Variants in CUX2 observed in about 807,000 individuals in gnomAD.
CUX2 encodes the protein homeobox protein cut-like 2.
In CUX2, 40 loss-of-function variants were observed where a neutral mutation model predicts 144.8. That is an observed-to-expected ratio of 0.28 (90% confidence interval 0.21 to 0.36). CUX2 has a LOEUF of 0.36. Ranked by LOEUF, CUX2 falls within the 10% of genes least tolerant of loss-of-function variation. The pLI, the probability that CUX2 is intolerant of heterozygous loss-of-function variation, is 1.00. For synonymous variants in CUX2, 827 were observed against 875.6 expected, an observed-to-expected ratio of 0.94 and a Z score of 0.98; for missense variants, 1,615 against 1,994.0, an observed-to-expected ratio of 0.81 and a Z score of 3.62.
chr12:111,273,844 A>G (rs1223576487), intron 4 of CUX2, among the ~76,000 whole-genome samples: 1 of 152,222 alleles, frequency 6.6e-6, no homozygotes, highest in Admixed American at 6.5e-5. Context: ...TCCCCTCATT[A>G]TAAGGGCCAT....
intron 3 of CUX2, among the ~76,000 whole-genome samples, chr12:111,238,039 G>A (rs1243546590): frequency 2.6e-5 from 4 of 152,164 alleles, no homozygotes; most frequent in South Asian, 4.2e-4. Flanking sequence ...ATGTCCCCTC[G>A]GGGACCAAAT....
At chr12:111,036,848 C>A (rs1213870869) in intron 1 of CUX2, among the ~76,000 whole-genome samples, 5 of 152,088 alleles carry the variant, frequency 3.3e-5, no homozygotes, top group South Asian at 2.1e-4. Context: ...CGTTCCCCAC[C>A]CCCAGCCTGA....
chr12:111,192,230 G>A (rs1046112007), intron 1 of CUX2, among the ~76,000 whole-genome samples: 1 of 152,006 alleles, frequency 6.6e-6, no homozygotes, highest in Non-Finnish European at 1.5e-5. Context: ...GGGTTCAAGT[G>A]ATTCTTCTGC....
intron 1 of CUX2, among the ~76,000 whole-genome samples, chr12:111,125,042 C>T (rs1874963827): frequency 1.3e-5 from 2 of 152,134 alleles, no homozygotes; most frequent in South Asian, 2.1e-4. Context: ...GGAGAAGAAC[C>T]TTTGCTTCTG....
intron 3 of CUX2, 84 bp downstream of exon 3, chr12:111,218,021 C>T (rs915097305): frequency 1.4e-6 from 2 of 1,417,786 alleles, no homozygotes; most frequent in Non-Finnish European, 2.0e-6. Flanking sequence ...CCAGGGGGGC[C>T]AGCAGCCTCC....
chr12:111,306,872 G>C, intron 10 of CUX2, 49 bp from the exon 11 acceptor site: 2 of 1,484,958 alleles, frequency 1.3e-6, no homozygotes, highest in Non-Finnish European at 9.1e-7. Flanking sequence ...CAGACCTGTG[G>C]ACCCCCATCC....
At chr12:111,327,176 A>T (rs954568039) in intron 18 of CUX2, among the ~76,000 whole-genome samples, 1 of 152,078 alleles carries the variant, frequency 6.6e-6, no homozygotes, top group Admixed American at 6.6e-5. Context: ...ATCCTGTACT[A>T]CTTGGCCTTC....
intron 3 of CUX2, among the ~76,000 whole-genome samples, chr12:111,222,299 G>A (rs1265128440): frequency 6.6e-6 from 1 of 152,142 alleles, no homozygotes; most frequent in Admixed American, 6.5e-5. Context: ...TTACTTGGAG[G>A]GAGACATGAA....
chr12:111,214,208 T>C lies in CUX2; in HGVS notation c.72T>C (p.Leu24=). 6.5e-7 allele frequency: 1 copy of C among 1,540,112 alleles called. No individual in the cohort carries two copies. Among genetic ancestry groups the C allele is most frequent in the East Asian group, 2.3e-5 (1 of 42,900 alleles). Residue 24 remains leucine, a synonymous_variant, in exon 2 of 22, where the codon CTT becomes CTC. Transcript: ENST00000261726. Reference sequence around the variant, plus strand: ...TTTTTTTATTGTTCCAGAAGGAGCTTAATTCCGTCGCTTCTGAGCTGTCTG... The same window carrying C: ...TTTTTTTATTGTTCCAGAAGGAGCTCAATTCCGTCGCTTCTGAGCTGTCTG... ...RFDLRRLQKE[L]NSVASELSAR...
At chr12:111,275,109 G>C (rs1280684532) in intron 4 of CUX2, among the ~76,000 whole-genome samples, 1 of 152,138 alleles carries the variant, frequency 6.6e-6, no homozygotes, top group Non-Finnish European at 1.5e-5. Context: ...GTTCTCTATG[G>C]GTTTGGATCC....
intron 18 of CUX2, among the ~76,000 whole-genome samples, chr12:111,331,112 AG>A (rs970902351): frequency 6.6e-6 from 1 of 151,940 alleles, no homozygotes; most frequent in Non-Finnish European, 1.5e-5. Flanking sequence ...TCCAGTTGGC[AG>A]GGACAAGGGA....
intron 4 of CUX2, among the ~76,000 whole-genome samples, chr12:111,278,384 G>C (rs1884977384): frequency 6.6e-6 from 1 of 152,250 alleles, no homozygotes; most frequent in Admixed American, 6.5e-5. Flanking sequence ...TTGTGCCACT[G>C]CACTGTGGCC....
chr12:111,285,951 A>T (rs940543072), intron 4 of CUX2, among the ~76,000 whole-genome samples: 1 of 152,206 alleles, frequency 6.6e-6, no homozygotes, highest in Non-Finnish European at 1.5e-5. Context: ...CAGGGATAAT[A>T]TCAGACCCCA....
At chr12:111,292,108 T>C (rs1217090274) in intron 5 of CUX2, among the ~76,000 whole-genome samples, 1 of 152,052 alleles carries the variant, frequency 6.6e-6, no homozygotes, top group Non-Finnish European at 1.5e-5. Context: ...CCCCAGAGAA[T>C]TGAAAACACA....
intron 1 of CUX2, among the ~76,000 whole-genome samples, 195 bp from the exon 2 acceptor site, chr12:111,214,005 A>AT (rs1881378647): frequency 6.6e-6 from 1 of 151,592 alleles, no homozygotes; most frequent in African/African-American, 2.4e-5. Context: ...GCTGTCCTGG[A>AT]TTTTTTTTCA....
At chr12:111,161,405 A>G (rs1403513022) in intron 1 of CUX2, among the ~76,000 whole-genome samples, 2 of 152,062 alleles carry the variant, frequency 1.3e-5, no homozygotes, top group African/African-American at 2.4e-5. Context: ...AGAGTGGTTC[A>G]TGTCACGCTT....
chr12:111,247,765 G>A (rs1199457424), intron 3 of CUX2, among the ~76,000 whole-genome samples: 2 of 152,208 alleles, frequency 1.3e-5, no homozygotes, highest in East Asian at 1.9e-4. Context: ...TTCCAGGGGC[G>A]TCCACCCCTC....
chr12:111,298,934 G>A (rs1238764014), intron 9 of CUX2, among the ~76,000 whole-genome samples: 2 of 152,226 alleles, frequency 1.3e-5, no homozygotes, highest in Non-Finnish European at 2.9e-5. Context: ...AAGACCCAAA[G>A]AATAAATGAC....
intron 1 of CUX2, among the ~76,000 whole-genome samples, chr12:111,071,634 G>T (rs1871256377): frequency 6.6e-6 from 1 of 152,152 alleles, no homozygotes; most frequent in Non-Finnish European, 1.5e-5. Flanking sequence ...GGCTTATCAA[G>T]AATTTATTTG....
Sources: gnomAD v4.1 joint callset for allele counts (sites outside exome capture counted in the v4.1 genomes callset) on GRCh38, gnomAD v4.1.1 for gene constraint, MANE v1.5 for transcripts, NCBI Gene and HGNC (gene_info 2026-07-23, HGNC 2026-07-21) for gene names.